The following NAALADL2 variants were observed in gnomAD, a reference collection of about 807,000 sequenced individuals.
The protein encoded by NAALADL2 is inactive N-acetylated-alpha-linked acidic dipeptidase-like protein 2.
Under a neutral mutation model 87.2 loss-of-function variants are expected in NAALADL2, and 76 were observed. The ratio of observed to expected loss-of-function variants is 0.87; its 90% CI spans 0.72 to 1.05. NAALADL2 has a LOEUF of 1.05. Among genes scored for constraint, NAALADL2 ranks in the 50% least tolerant of loss-of-function variants. The pLI is 0.00. For missense variants in NAALADL2, 1,089 were observed against 945.8 expected (o/e 1.15, Z -1.99); for synonymous variants, 354 against 331.0 (o/e 1.07, Z -0.75).
At chr3:174,960,335 T>G (rs571247350) in intron 1 of NAALADL2, among the ~76,000 whole-genome samples, 2 of 152,204 alleles carry the variant, frequency 1.3e-5, no homozygotes, top group Non-Finnish European at 2.9e-5. Context: ...ACTCTGTCCT[T>G]TTTCTGGAAA....
intron 6 of NAALADL2, among the ~76,000 whole-genome samples, chr3:175,453,736 C>G (rs186665897): frequency 6.6e-6 from 1 of 152,030 alleles, no homozygotes; most frequent in Non-Finnish European, 1.5e-5. Context: ...AATGAATGTA[C>G]GCTGTGTAAT....
At chr3:175,500,298 A>G (rs1465423126) in intron 9 of NAALADL2, among the ~76,000 whole-genome samples, 4 of 152,124 alleles carry the variant, frequency 2.6e-5, no homozygotes, top group African/African-American at 9.7e-5. Flanking sequence ...GGCTGGAGGA[A>G]TCTGAGACAA....
chr3:175,474,678 CACACA>C (rs1725400054), intron 9 of NAALADL2, among the ~76,000 whole-genome samples: 1 of 152,070 alleles, frequency 6.6e-6, no homozygotes, highest in African/African-American at 2.4e-5. Context: ...CTCTCAGCAT[CACACA>C]ACTGCTGCTG....
chr3:175,709,486 G>A (rs1366360550), intron 11 of NAALADL2, among the ~76,000 whole-genome samples: 1 of 152,094 alleles, frequency 6.6e-6, no homozygotes, highest in Non-Finnish European at 1.5e-5. Context: ...GTATAAAATA[G>A]TAAGTTTAAT....
At chr3:175,652,912 A>T (rs975853639) in intron 11 of NAALADL2, among the ~76,000 whole-genome samples, 8 of 152,148 alleles carry the variant, frequency 5.3e-5, no homozygotes, top group South Asian at 2.1e-4. Context: ...CTCTCCAAAA[A>T]CTTAACTACT....
intron 2 of NAALADL2, among the ~76,000 whole-genome samples, chr3:175,101,430 G>A (rs1315850903): frequency 1.3e-5 from 2 of 152,194 alleles, no homozygotes; most frequent in African/African-American, 4.8e-5. Flanking sequence ...GGACGGTTGA[G>A]AAAGCTCTTT....
rs545933583 is a variant in NAALADL2, at chr3:175,584,651, C to T, written c.1800+8464C>T. On this transcript the variant is annotated intron_variant, in intron 10 of 13. Coordinates refer to ENST00000454872, the MANE Select transcript of NAALADL2 (RefSeq NM_207015.3). The stretch of plus-strand genomic sequence containing the variant: ...CCTCCTAGACACCTAGGCTATATGG[C>T]GTAGCCTATTCATCCTAGGCCACAA... 8.5e-5 allele frequency among the ~76,000 whole-genome samples: 13 copies of T among 152,314 alleles called. No individual in the cohort carries two copies. The East Asian group carries it at 1.4e-3, about 16-fold the overall frequency.
At chr3:175,365,835 T>A (rs1271209282) in intron 5 of NAALADL2, among the ~76,000 whole-genome samples, 1 of 147,582 alleles carries the variant, frequency 6.8e-6, no homozygotes, top group Non-Finnish European at 1.5e-5. Context: ...ATGAAAATAG[T>A]TACATTTTTT....
chr3:175,721,366 G>A (rs1440427304), intron 11 of NAALADL2, among the ~76,000 whole-genome samples: 1 of 152,072 alleles, frequency 6.6e-6, no homozygotes, highest in Non-Finnish European at 1.5e-5. Context: ...TAAAATAAAT[G>A]CAAATGTACC....
chr3:174,827,406 C>T (rs1722120920), intron 3 of NAALADL2, among the ~76,000 whole-genome samples: 1 of 152,102 alleles, frequency 6.6e-6, no homozygotes, highest in Admixed American at 6.6e-5. Flanking sequence ...ATTTTCTTGC[C>T]TTTTCCCCAC....
chr3:174,506,931 G>T (rs1468305145), intron 1 of NAALADL2, among the ~76,000 whole-genome samples: 2 of 151,570 alleles, frequency 1.3e-5, no homozygotes, highest in Non-Finnish European at 2.9e-5. Flanking sequence ...ATTTATTAAG[G>T]ATATTAATAA....
intron 5 of NAALADL2, among the ~76,000 whole-genome samples, chr3:175,410,495 G>GTA: frequency 6.6e-6 from 1 of 152,018 alleles, no homozygotes; most frequent in Non-Finnish European, 1.5e-5. Flanking sequence ...TTATTCCACA[G>GTA]ATGTTTATGG....
At chr3:175,624,101 C>T (rs1485055635) in intron 10 of NAALADL2, among the ~76,000 whole-genome samples, 1 of 151,926 alleles carries the variant, frequency 6.6e-6, no homozygotes, top group Admixed American at 6.6e-5. Flanking sequence ...ACAGAATTCT[C>T]AAGAAAGTTG....
intron 2 of NAALADL2, among the ~76,000 whole-genome samples, chr3:174,645,814 G>T (rs1022819268): frequency 1.3e-5 from 2 of 152,104 alleles, no homozygotes; most frequent in African/African-American, 4.8e-5. Flanking sequence ...TTACAGTTTA[G>T]GATGGATTCA....
chr3:175,216,668 C>CTTTTTTT (rs3067029), intron 2 of NAALADL2, among the ~76,000 whole-genome samples: 52 of 87,298 alleles, frequency 6.0e-4, no homozygotes, highest in East Asian at 9.6e-4. Context: ...TTTTTCTTTT[C>CTTTTTTT]TTTTTTTTTT....
At chr3:174,543,758 AG>A (rs1722477616) in intron 1 of NAALADL2, among the ~76,000 whole-genome samples, 1 of 152,172 alleles carries the variant, frequency 6.6e-6, no homozygotes, top group Middle Eastern at 3.2e-3. Context: ...CTGTAATCCC[AG>A]CACTTTGGGA....
intron 2 of NAALADL2, among the ~76,000 whole-genome samples, chr3:175,165,876 T>G (rs1278256926): frequency 6.6e-6 from 1 of 151,992 alleles, no homozygotes; most frequent in African/African-American, 2.4e-5. Flanking sequence ...TTCACTCTGA[T>G]TGATCCACCC....
intron 1 of NAALADL2, among the ~76,000 whole-genome samples, chr3:174,979,254 T>TA (rs1744776533): frequency 6.6e-6 from 1 of 151,692 alleles, no homozygotes; most frequent in Non-Finnish European, 1.5e-5. Flanking sequence ...GATCACAGTA[T>TA]TGTAATAAAA....
At chr3:175,526,021 A>G (rs759465986) in intron 9 of NAALADL2, among the ~76,000 whole-genome samples, 7 of 152,340 alleles carry the variant, frequency 4.6e-5, no homozygotes, top group Non-Finnish European at 1.0e-4. Context: ...GATACAGAGC[A>G]GGAATGCCTG....
Sources: gnomAD v4.1 joint callset for allele counts (sites outside exome capture counted in the v4.1 genomes callset) on GRCh38, gnomAD v4.1.1 for gene constraint, MANE v1.5 for transcripts, NCBI Gene and HGNC (gene_info 2026-07-23, HGNC 2026-07-21) for gene names.